The following AGO2 variants were observed in gnomAD, a reference collection of about 807,000 sequenced individuals.
The protein encoded by AGO2 is protein argonaute-2.
In AGO2, 5 loss-of-function variants were observed where a neutral mutation model predicts 102.3. The ratio of observed to expected loss-of-function variants is 0.05; its 90% CI spans 0.03 to 0.10. The LOEUF (loss-of-function observed/expected upper bound fraction) is 0.10, where lower values mean the gene tolerates loss of function less well. Ranked by LOEUF, AGO2 falls within the 10% of genes least tolerant of loss-of-function variation. The pLI, the probability that AGO2 is intolerant of heterozygous loss-of-function variation, is 1.00. For synonymous variants in AGO2, 449 were observed against 473.1 expected (o/e 0.95, Z 0.66); for missense variants, 541 against 1,183.7 (o/e 0.46, Z 7.97).
rs141252385 is a variant in AGO2, at chr8:140,538,563, A to G, written c.2169+757T>C. Among the ~76,000 whole-genome samples the G allele has an allele frequency of 1.4e-4, 22 of 152,256 alleles. 1 individual carries two copies. In the East Asian group the frequency reaches 4.2e-3, roughly 29 times the overall value. On this transcript the variant is annotated intron_variant, in intron 16 of 18. Coordinates refer to ENST00000220592, the MANE Select transcript of AGO2 (RefSeq NM_012154.5). ...TCCTCATTCCCCTTCCGGAACACCT[A>G]TGAGATGTACCATGGCGCTTCAACG...
chr8:140,595,955 TAATA>T (rs1259899102), intron 1 of AGO2, among the ~76,000 whole-genome samples: 2 of 128,024 alleles, frequency 1.6e-5, no homozygotes, highest in African/African-American at 5.9e-5. Flanking sequence ...ATTTTATATA[TAATA>T]TATATAAATT....
At chr8:140,550,100 G>T (rs1177032317) in intron 11 of AGO2, among the ~76,000 whole-genome samples, 1 of 152,180 alleles carries the variant, frequency 6.6e-6, no homozygotes, top group East Asian at 1.9e-4. Context: ...CCTGTGTTCA[G>T]AACTAACCTA....
intron 10 of AGO2, among the ~76,000 whole-genome samples, chr8:140,551,899 T>A (rs1412220926): frequency 7.0e-6 from 1 of 143,042 alleles, no homozygotes; most frequent in Non-Finnish European, 1.5e-5. Context: ...GGCTGATGAG[T>A]GGATAAGGTA....
chr8:140,565,005 G>A (rs904902592), intron 3 of AGO2, among the ~76,000 whole-genome samples: 6 of 152,050 alleles, frequency 3.9e-5, no homozygotes, highest in Non-Finnish European at 5.9e-5. Flanking sequence ...ATGGTGGCAC[G>A]TGCCTATAAT....
intron 13 of AGO2, among the ~76,000 whole-genome samples, chr8:140,546,851 GA>G (rs1463881905): frequency 6.6e-6 from 1 of 152,230 alleles, no homozygotes; most frequent in East Asian, 1.9e-4. Context: ...AGGAGGGGAA[GA>G]AGCAAACCCT....
rs1422235590 is a variant in AGO2, at chr8:140,523,426, TA to T, written c.*8617del. ...AATAAAATAAAACTAGAAAAATTGA[TA>T]AAACTAAGGGTTAAAAGCCCTCAAT... On this transcript the variant is annotated 3_prime_UTR_variant, in exon 19 of 19. Coordinates refer to ENST00000220592, the MANE Select transcript of AGO2 (RefSeq NM_012154.5). 2 of 152,146 alleles carry T rather than the reference TA, an allele frequency of 1.3e-5. No individual in the cohort carries two copies. The highest frequency in any genetic ancestry group is 4.8e-5 in the African/African-American group (2 of 41,436). The allele number at this position is 152,146 out of a possible 1,614,324, so 9.4% of individuals were successfully genotyped here. A position where few individuals can be genotyped will look rare whatever the true frequency, so the allele number is the denominator to read the frequency against.
chr8:140,557,079 G>A lies in AGO2; in HGVS notation c.1026+10C>T, dbSNP rs746738412. The A allele has an allele frequency of 5.4e-5, 87 of 1,610,518 alleles. No individual in the cohort carries two copies. Among genetic ancestry groups the A allele is most frequent in the Admixed American group, 6.7e-5 (4 of 59,748 alleles). The stretch of plus-strand genomic sequence containing the variant: ...AGCCCCCAGAGACACACAGGAAGAG[G>A]GTGACTTGCCTCCAGGGGAAGGTAG... On this transcript the variant is annotated intron_variant, in intron 8 of 18. Coordinates refer to ENST00000220592, the MANE Select transcript of AGO2 (RefSeq NM_012154.5). This position sits in a 1 kb window ranked among gnomAD's most constrained non-coding sequence, Gnocchi z 5.9.
intron 14 of AGO2, among the ~76,000 whole-genome samples, chr8:140,542,534 AG>A (rs1441022748): frequency 6.7e-6 from 1 of 149,832 alleles, no homozygotes; most frequent in African/African-American, 2.4e-5. Context: ...TTGTGGGGAT[AG>A]GGGATAAACA....
At chr8:140,551,797 G>C (rs146563149) in intron 10 of AGO2, among the ~76,000 whole-genome samples, 1 of 151,630 alleles carries the variant, frequency 6.6e-6, no homozygotes, top group African/African-American at 2.4e-5. Flanking sequence ...GTGGATGGTT[G>C]ATGGGTGGAT....
intron 1 of AGO2, among the ~76,000 whole-genome samples, chr8:140,608,792 CCAGCTGCTCCAGGG>C (rs951628806): frequency 2.0e-5 from 3 of 152,228 alleles, no homozygotes; most frequent in African/African-American, 7.2e-5. Flanking sequence ...CTATTACTTT[CCAGCTGCTCCAGGG>C]CAGCAAGGGT....
At chr8:140,558,356 T>C (rs2073135930) in intron 7 of AGO2, 129 bp downstream of exon 7, 3 of 967,058 alleles carry the variant, frequency 3.1e-6, no homozygotes, top group Non-Finnish European at 3.2e-6. Flanking sequence ...AGGGACAATT[T>C]TGGGATTGAA....
At chr8:140,544,324 AG>A in intron 13 of AGO2, 21 bp from the exon 14 acceptor site, 1 of 1,590,888 alleles carries the variant, frequency 6.3e-7, no homozygotes. Flanking sequence ...GAGTGGCGTC[AG>A]GGGCCACGGT....
intron 1 of AGO2, 136 bp from the exon 2 acceptor site, chr8:140,585,447 G>A: frequency 3.2e-6 from 3 of 938,786 alleles, no homozygotes; most frequent in Non-Finnish European, 4.7e-6. Context: ...GCATTCCACA[G>A]AGGAGGCGTC....
chr8:140,628,651 C>A (rs865814507), intron 1 of AGO2, among the ~76,000 whole-genome samples: 1 of 151,586 alleles, frequency 6.6e-6, no homozygotes, highest in Non-Finnish European at 1.5e-5. Context: ...AAAAAATAGT[C>A]CCAGCTTCTT....
At position 140,562,503 on chromosome 8, in the gene AGO2, A is replaced by G; in HGVS notation, c.468T>C (p.Phe156=). ...CCACGTCCAGGGCCTGGATCGTCTC[A>G]AAAGGGACGCTGGGCAGCCGCCCTG... ...ALSGRLPSVP[F]ETIQALDVVM... Residue 156 remains phenylalanine, a synonymous_variant, in exon 4 of 19, where the codon TTT becomes TTC. Coordinates refer to ENST00000220592, the MANE Select transcript of AGO2 (RefSeq NM_012154.5). The G allele has an allele frequency of 6.2e-7, 1 of 1,613,894 alleles. No individual in the cohort carries two copies. The highest frequency in any genetic ancestry group is 8.5e-7 in the Non-Finnish European group (1 of 1,180,002).
chr8:140,549,338 T>C (rs1300539967), intron 11 of AGO2, 40 bp from the exon 12 acceptor site: 2 of 1,543,528 alleles, frequency 1.3e-6, no homozygotes, highest in Non-Finnish European at 1.8e-6. Flanking sequence ...GCACTGGGAA[T>C]GGCAGAGAAC....
intron 1 of AGO2, among the ~76,000 whole-genome samples, chr8:140,628,964 G>A (rs904018288): frequency 1.3e-5 from 2 of 151,972 alleles, no homozygotes; most frequent in South Asian, 2.1e-4. Flanking sequence ...AGTGGCACAT[G>A]CCAGTAGTCC....
At chr8:140,587,654 T>TGTGAGCCCCTGGCCCCGACAG (rs2073679096) in intron 1 of AGO2, among the ~76,000 whole-genome samples, 1 of 152,242 alleles carries the variant, frequency 6.6e-6, no homozygotes, top group Non-Finnish European at 1.5e-5. Context: ...CACCCTGGGC[T>TGTGAGCCCCTGGCCCCGACAG]GTGAGCCCCT....
rs926532200 is a variant in AGO2, at chr8:140,526,480, G to C, written c.*5564C>G. 6.6e-6 allele frequency: 1 copy of C among 152,208 alleles called. No homozygotes were observed. Among genetic ancestry groups the C allele is most frequent in the Admixed American group, 6.5e-5 (1 of 15,290 alleles). The allele number at this position is 152,208 out of a possible 1,614,324, so 9.4% of individuals were successfully genotyped here. A position where few individuals can be genotyped will look rare whatever the true frequency, so the allele number is the denominator to read the frequency against. On this transcript the variant is annotated 3_prime_UTR_variant, in exon 19 of 19. Transcript: ENST00000220592. The surrounding 1 kb of genome is among the most constrained non-coding windows in gnomAD (Gnocchi z 5.2). ...CCCTGGTCCACCTGACACAGTAGAG[G>C]AGGAGGGGCTGCCCGTGGGTCACAG...
Sources: gnomAD v4.1 joint callset for allele counts (sites outside exome capture counted in the v4.1 genomes callset) on GRCh38, gnomAD v4.1.1 for gene constraint, Gnocchi (gnomAD v3.1) non-coding constraint, MANE v1.5 for transcripts, NCBI Gene and HGNC (gene_info 2026-07-23, HGNC 2026-07-21) for gene names.